ZNF804B: variants seen among roughly 807,000 people sequenced by gnomAD.
The protein encoded by ZNF804B is zinc finger protein 804B, also known as zinc finger 804B.
Under a neutral mutation model 101.4 loss-of-function variants are expected in ZNF804B, and 80 were observed. The ratio of observed to expected loss-of-function variants is 0.79; its 90% CI spans 0.66 to 0.95. The LOEUF is 0.95. Among genes scored for constraint, ZNF804B ranks in the 40% least tolerant of loss-of-function variants. The pLI is 0.00. For synonymous variants in ZNF804B, 622 were observed against 558.8 expected (o/e 1.11, Z -1.59); for missense variants, 1,673 against 1,561.9 (o/e 1.07, Z -1.20).
chr7:89,140,283 T>C (rs1446221843), intron 1 of ZNF804B, among the ~76,000 whole-genome samples: 12 of 152,076 alleles, frequency 7.9e-5, no homozygotes, highest in African/African-American at 2.4e-5. Context: ...ACCATAATTC[T>C]TAGTGGCTCT....
chr7:88,960,504 A>G (rs929957849), intron 1 of ZNF804B, among the ~76,000 whole-genome samples: 8 of 151,188 alleles, frequency 5.3e-5, no homozygotes, highest in African/African-American at 1.9e-4. Context: ...GAGAAGGTAC[A>G]AAGGAGAAAC....
intron 2 of ZNF804B, among the ~76,000 whole-genome samples, chr7:89,240,079 T>G (rs930875324): frequency 6.6e-6 from 1 of 151,188 alleles, no homozygotes; most frequent in Non-Finnish European, 1.5e-5. Flanking sequence ...TAAAATGTCT[T>G]GATTTCTAGT....
intron 1 of ZNF804B, among the ~76,000 whole-genome samples, chr7:88,985,434 G>T (rs966669085): frequency 6.6e-6 from 1 of 151,972 alleles, no homozygotes; most frequent in Non-Finnish European, 1.5e-5. Flanking sequence ...GTTGTCTGTG[G>T]ACTATTAGGA....
intron 1 of ZNF804B, among the ~76,000 whole-genome samples, chr7:89,130,527 C>T (rs1308419471): frequency 1.3e-5 from 2 of 151,910 alleles, no homozygotes; most frequent in Non-Finnish European, 2.9e-5. Context: ...CTTTGCTCAT[C>T]TTCGTGAATC....
chr7:89,260,198 C>T (rs527774577), intron 2 of ZNF804B, among the ~76,000 whole-genome samples: 6 of 152,178 alleles, frequency 3.9e-5, no homozygotes, highest in East Asian at 1.9e-4. Flanking sequence ...TTCCTTTCAT[C>T]GTTCTGGGGT....
intron 1 of ZNF804B, among the ~76,000 whole-genome samples, chr7:89,163,094 T>G (rs1791092107): frequency 6.6e-6 from 1 of 152,106 alleles, no homozygotes; most frequent in Non-Finnish European, 1.5e-5. Flanking sequence ...CACAGATTTT[T>G]TTAGAAAGTT....
At chr7:89,050,733 C>T (rs1374361829) in intron 1 of ZNF804B, among the ~76,000 whole-genome samples, 2 of 152,042 alleles carry the variant, frequency 1.3e-5, no homozygotes, top group Non-Finnish European at 1.5e-5. Context: ...CAAAACAGTT[C>T]ATTTTCATAT....
chr7:89,013,753 C>A (rs1388729094), intron 1 of ZNF804B, among the ~76,000 whole-genome samples: 1 of 152,068 alleles, frequency 6.6e-6, no homozygotes, highest in Non-Finnish European at 1.5e-5. Context: ...TTTGACAAAT[C>A]TCTCCCTTTC....
chr7:89,046,168 G>GTT (rs34748599), intron 1 of ZNF804B, among the ~76,000 whole-genome samples: 1 of 151,412 alleles, frequency 6.6e-6, no homozygotes, highest in African/African-American at 2.4e-5. Flanking sequence ...GAAGAAGGGT[G>GTT]TTTTTTTTCC....
At chr7:89,131,932 T>A (rs891840921) in intron 1 of ZNF804B, among the ~76,000 whole-genome samples, 3 of 151,952 alleles carry the variant, frequency 2.0e-5, no homozygotes, top group African/African-American at 7.2e-5. Flanking sequence ...ATTTTGTACA[T>A]GAATAACTAA....
intron 1 of ZNF804B, among the ~76,000 whole-genome samples, chr7:89,115,341 T>C (rs1234367091): frequency 1.3e-5 from 2 of 152,216 alleles, no homozygotes; most frequent in African/African-American, 4.8e-5. Flanking sequence ...AAGGAAAACA[T>C]CTACAACAAG....
At chr7:89,028,326 G>A (rs1326338888) in intron 1 of ZNF804B, among the ~76,000 whole-genome samples, 1 of 152,108 alleles carries the variant, frequency 6.6e-6, no homozygotes, top group African/African-American at 2.4e-5. Context: ...AGAAAGTTGT[G>A]CATTTGGAAA....
At chr7:88,777,706 G>A (rs3898580) in intron 1 of ZNF804B, among the ~76,000 whole-genome samples, 10,742 of 151,902 alleles carry the variant, frequency 0.071, 615 homozygotes, top group East Asian at 0.23. Context: ...AAATTAGCCA[G>A]GTGTGGTGGC....
At chr7:89,213,927 G>A (rs1159396232) in intron 1 of ZNF804B, among the ~76,000 whole-genome samples, 1 of 152,204 alleles carries the variant, frequency 6.6e-6, no homozygotes, top group Admixed American at 6.5e-5. Flanking sequence ...AGGAGTTAAT[G>A]TGTAATAATT....
chr7:88,782,102 CGTGTGTGTGTGT>C (rs72225764), intron 1 of ZNF804B, among the ~76,000 whole-genome samples: 4,465 of 142,078 alleles, frequency 0.031, 236 homozygotes, highest in African/African-American at 0.11. Flanking sequence ...TGTGTGAGTG[CGTGTGTGTGTGT>C]GTGTGTGTGT....
At chr7:89,314,851 A>G (rs1460652202) in intron 2 of ZNF804B, among the ~76,000 whole-genome samples, 2 of 152,132 alleles carry the variant, frequency 1.3e-5, no homozygotes, top group Non-Finnish European at 2.9e-5. Context: ...CCCTGTTGTT[A>G]GTTGCTACTC....
intron 1 of ZNF804B, among the ~76,000 whole-genome samples, chr7:89,216,051 G>C (rs111927684): frequency 0.12 from 18,544 of 152,076 alleles, 1,198 homozygotes; most frequent in Middle Eastern, 0.25. Flanking sequence ...CGCCTATAAT[G>C]CCAGTGCTTT....
intron 1 of ZNF804B, among the ~76,000 whole-genome samples, chr7:89,118,318 C>T (rs2116362404): frequency 6.6e-6 from 1 of 152,222 alleles, no homozygotes. Flanking sequence ...TTTCTGTCTC[C>T]ATGCAGCACT....
chr7:89,256,969 A>G (rs574060881), intron 2 of ZNF804B, among the ~76,000 whole-genome samples: 5 of 152,304 alleles, frequency 3.3e-5, no homozygotes, highest in East Asian at 1.9e-4. Flanking sequence ...TAGATATAAG[A>G]ATTAAAACTT....
Sources: allele counts gnomAD v4.1 joint callset (sites outside exome capture counted in the v4.1 genomes callset), GRCh38; gene constraint gnomAD v4.1.1; transcripts MANE v1.5; gene names NCBI Gene and HGNC (gene_info 2026-07-23, HGNC 2026-07-21).